CFAP45: variants seen among roughly 807,000 people sequenced by gnomAD.
CFAP45 encodes the protein cilia- and flagella-associated protein 45.
In CFAP45, 43 loss-of-function variants were observed where a neutral mutation model predicts 75.6. That is an observed-to-expected ratio of 0.57 (90% CI 0.45 to 0.73). CFAP45 has a LOEUF of 0.73. Among genes scored for constraint, CFAP45 ranks in the 30% least tolerant of loss-of-function variants. The pLI is 0.00. For synonymous variants in CFAP45, 223 were observed against 244.6 expected (o/e 0.91, Z 0.82); for missense variants, 689 against 701.5 (o/e 0.98, Z 0.20).
In CFAP45 at chr1:159,888,437, C is replaced by T. The variant is rs201664440; in HGVS notation, c.332G>A (p.Arg111Gln). ...CAGGACATGGGATGCCCATTTGATT[C>T]GCTCAAACTCCTCAGGGCTGATGAT... Reference protein sequence around the residue: ...SLIISPEEFERIKWASHVLTR... With the variant: ...SLIISPEEFEQIKWASHVLTR... The change falls in exon 4 of 12, where the codon CGA becomes CAA. Residue 111 changes from arginine to glutamine, a missense_variant. By Grantham distance (43) the Arg-to-Gln change is conservative. Transcript: ENST00000368099. The T allele has an allele frequency of 6.9e-6, 11 of 1,605,622 alleles. No individual in the cohort carries two copies. Among genetic ancestry groups the T allele is most frequent in the South Asian group, 1.1e-5 (1 of 91,032 alleles).
At position 159,872,393 on chromosome 1, in the gene CFAP45, A is replaced by G. The variant is rs1392516782; in HGVS notation, c.*92T>C. 4.1e-6 allele frequency: 4 copies of G among 981,496 alleles called. No homozygotes were observed. Among genetic ancestry groups the G allele is most frequent in the African/African-American group, 1.6e-5 (1 of 62,312 alleles). 60.8% of individuals were successfully genotyped at this position (981,496 alleles called of 1,614,324 possible). A position where few individuals can be genotyped will look rare whatever the true frequency, so the allele number is the denominator to read the frequency against. ...AGTCAAGTAGATTTAATCTGTAACT[A>G]TGAAATGTCTAGGTTAGCAGCAATT... is the stretch of plus-strand genomic sequence containing the variant. On this transcript the variant is annotated 3_prime_UTR_variant, in exon 12 of 12. Transcript: ENST00000368099.
intron 8 of CFAP45, among the ~76,000 whole-genome samples, chr1:159,880,070 C>T (rs967776875): frequency 9.9e-5 from 15 of 152,182 alleles, no homozygotes; most frequent in Non-Finnish European, 5.9e-5. Flanking sequence ...CTCTCTCCTC[C>T]ACTGTGCATT....
chr1:159,882,595 A>AAAGCT (rs1649573803), intron 7 of CFAP45, among the ~76,000 whole-genome samples: 1 of 152,218 alleles, frequency 6.6e-6, no homozygotes, highest in Non-Finnish European at 1.5e-5. Flanking sequence ...CAGTAGGTCT[A>AAAGCT]AAGCTGGGAA....
At chr1:159,874,323 G>A (rs1649352346) in intron 10 of CFAP45, among the ~76,000 whole-genome samples, 1 of 151,988 alleles carries the variant, frequency 6.6e-6, no homozygotes, top group Non-Finnish European at 1.5e-5. Context: ...TTTCCCTCTA[G>A]CTTTCTTCCA....
chr1:159,898,825 A>G (rs909216204), intron 1 of CFAP45, among the ~76,000 whole-genome samples: 1 of 152,208 alleles, frequency 6.6e-6, no homozygotes, highest in Non-Finnish European at 1.5e-5. Flanking sequence ...ATCAAATAGA[A>G]TACATAAGTG....
At chr1:159,899,978 C>A in intron 1 of CFAP45, 118 bp downstream of exon 1, 1 of 1,071,210 alleles carries the variant, frequency 9.3e-7, no homozygotes, top group Non-Finnish European at 1.4e-6. Flanking sequence ...GTTCTCCTTA[C>A]TCCTGGGCCC....
Position 159,882,293 on chromosome 1 carries a change from C to T in CFAP45, c.898-1593G>A, listed in dbSNP as rs370002059. Reference sequence around the variant, plus strand: ...TAACTGCTTCTCACTGATTTTAGGCCTGCTATTTGTATCCCAGACATCATT... The same window carrying T: ...TAACTGCTTCTCACTGATTTTAGGCTTGCTATTTGTATCCCAGACATCATT... On this transcript the variant is annotated intron_variant, in intron 7 of 11. Transcript: ENST00000368099. Among the ~76,000 whole-genome samples, 23 of 152,162 alleles carry T rather than the reference C, an allele frequency of 1.5e-4. No homozygotes were observed. In the East Asian group the frequency reaches 4.1e-3, roughly 27 times the overall value.
At chr1:159,894,346 C>T (rs1375217902) in intron 1 of CFAP45, among the ~76,000 whole-genome samples, 1 of 152,200 alleles carries the variant, frequency 6.6e-6, no homozygotes, top group Non-Finnish European at 1.5e-5. Context: ...CGCACAGTGT[C>T]CCCTTTGCCT....
At position 159,873,090 on chromosome 1, in the gene CFAP45, C is replaced by T. The variant is rs1649319071; in HGVS notation, c.1431G>A (p.Glu477=). The change falls in exon 11 of 12, where the codon GAG becomes GAA. Residue 477 remains glutamate, a synonymous_variant. Transcript: ENST00000368099. ...KATGRLQHAN[E]LRRQVRENQQ... is the part of the protein sequence containing the mutation. ...GGTTCTCGCGCACCTGGCGCCGGAG[C>T]TCATTGGCATGCTGTAAGCGCCCTG... 1 of 1,614,142 alleles carries T rather than the reference C, an allele frequency of 6.2e-7. No homozygotes were observed. Among genetic ancestry groups the T allele is most frequent in the Non-Finnish European group, 8.5e-7 (1 of 1,180,062 alleles).
rs771643316 is a variant in CFAP45 at position 159,876,711 on chromosome 1, G to T, written c.1197C>A (p.Asp399Glu). The change falls in exon 10 of 12, where the codon GAC (aspartate) becomes GAA (glutamate). Residue 399 changes from aspartate (D) to glutamate (E), a missense_variant. Transcript: ENST00000368099. ...CCTTTTCCTTTCTGCGCCACTCTCT[G>T]TCTGCAACCTCCTGGTTGCGCTTGG... ...LRAKRNQEVADREWRRKEKEN... is the reference protein window; with the variant it reads ...LRAKRNQEVAEREWRRKEKEN... 1.2e-5 allele frequency: 19 copies of T among 1,614,010 alleles called. No homozygotes were observed. Among genetic ancestry groups the T allele is most frequent in the Non-Finnish European group, 1.4e-5 (17 of 1,180,022 alleles).
Position 159,884,409 on chromosome 1 carries a change from C to T in CFAP45, c.897+27G>A, listed in dbSNP as rs749483000. 7.9e-5 allele frequency: 124 copies of T among 1,578,810 alleles called. 1 individual carries two copies. The South Asian group carries it at 1.2e-3, about 15-fold the overall frequency. ...GGTTTTGATGCTGCAGCTGGTGAAACGTGGCATTGTCTGTCTGGCCTGTTA... is the reference window on the plus strand; with the variant it reads ...GGTTTTGATGCTGCAGCTGGTGAAATGTGGCATTGTCTGTCTGGCCTGTTA... On this transcript the variant is annotated intron_variant, in intron 7 of 11. Transcript: ENST00000368099.
intron 5 of CFAP45, among the ~76,000 whole-genome samples, chr1:159,887,147 G>A (rs756760985): frequency 1.2e-4 from 18 of 152,098 alleles, no homozygotes; most frequent in Admixed American, 6.5e-4. Context: ...CAGAGGCCAG[G>A]CCACAAGATT....
chr1:159,891,828 G>C (rs1049144316), intron 2 of CFAP45, among the ~76,000 whole-genome samples: 5 of 152,160 alleles, frequency 3.3e-5, no homozygotes, highest in Non-Finnish European at 5.9e-5. Flanking sequence ...CATCAATGAG[G>C]CCAAAGAAAC....
chr1:159,897,227 G>A (rs1236746274), intron 1 of CFAP45, among the ~76,000 whole-genome samples: 1 of 152,096 alleles, frequency 6.6e-6, no homozygotes, highest in Non-Finnish European at 1.5e-5. Flanking sequence ...TTGAGCCACT[G>A]CACTCCAGCC....
chr1:159,885,591 G>A (rs1483786035), intron 6 of CFAP45, among the ~76,000 whole-genome samples: 1 of 152,174 alleles, frequency 6.6e-6, no homozygotes, highest in Non-Finnish European at 1.5e-5. Flanking sequence ...ACAAAATGAA[G>A]GGGAGACTGA....
In CFAP45 at chr1:159,876,661, GT is replaced by G; in HGVS notation, c.1246del (p.Thr416GlnfsTer110). The G allele has an allele frequency of 6.2e-7, 1 of 1,614,184 alleles. No individual in the cohort carries two copies. The highest frequency in any genetic ancestry group is 8.5e-7 in the Non-Finnish European group (1 of 1,180,034). On this transcript the variant is annotated frameshift_variant, in exon 10 of 12. Transcript: ENST00000368099. LOFTEE classifies it high-confidence loss of function. Reference protein sequence around the residue: ...EKENARKKMETEAELRKSRLE... With the variant: ...EKENARKKMEXEAELRKSRLE... Reference sequence around the variant, plus strand: ...CCGACTTTTTCGCAGCTCAGCCTCTGTTTCCATCTTCTTCCGCGCATTTTCC... The same window carrying G: ...CCGACTTTTTCGCAGCTCAGCCTCTGTTCCATCTTCTTCCGCGCATTTTCC...
At position 159,884,578 on chromosome 1, in the gene CFAP45, A is replaced by C. The variant is rs980672681; in HGVS notation, c.768-13T>G. ...TTGCCGCCTTCCTCTTGGAGAGAAC[A>C]GTGCCACAGTGTCTTAGAAACCCCG... On this transcript the variant is annotated splice_polypyrimidine_tract_variant and intron_variant, in intron 6 of 11. Coordinates refer to ENST00000368099, the MANE Select transcript of CFAP45 (RefSeq NM_012337.3). 2.5e-6 allele frequency: 4 copies of C among 1,611,556 alleles called. No individual in the cohort carries two copies. In the South Asian group the frequency reaches 4.4e-5, roughly 18 times the overall value.
chr1:159,899,682 T>C (rs1051238040), intron 1 of CFAP45, among the ~76,000 whole-genome samples: 5 of 151,706 alleles, frequency 3.3e-5, no homozygotes, highest in African/African-American at 1.2e-4. Context: ...TTAGCCAGGA[T>C]GGTCTCGATC....
intron 2 of CFAP45, among the ~76,000 whole-genome samples, chr1:159,892,787 T>G (rs1043304388): frequency 6.6e-6 from 1 of 152,244 alleles, no homozygotes; most frequent in African/African-American, 2.4e-5. Flanking sequence ...GGTTTTGTGT[T>G]GTACTCTGAT....
Sources: gnomAD v4.1 joint callset for allele counts (sites outside exome capture counted in the v4.1 genomes callset) on GRCh38, gnomAD v4.1.1 for gene constraint, MANE v1.5 for transcripts, NCBI Gene and HGNC (gene_info 2026-07-23, HGNC 2026-07-21) for gene names.